The following ATP8A2 variants were observed in gnomAD, a reference collection of about 807,000 sequenced individuals.
ATP8A2 encodes phospholipid-transporting ATPase IB.
Under a neutral mutation model 165.6 loss-of-function variants are expected in ATP8A2, and 100 were observed. That is an observed-to-expected ratio of 0.60 (90% CI 0.51 to 0.71). The LOEUF (loss-of-function observed/expected upper bound fraction) is 0.71. Among genes scored for constraint, ATP8A2 ranks in the 30% least tolerant of loss-of-function variants. The pLI, the probability that ATP8A2 is intolerant of heterozygous loss-of-function variation, is 0.00. For synonymous variants in ATP8A2, 543 were observed against 548.8 expected (o/e 0.99, Z 0.15); for missense variants, 1,227 against 1,479.5 (o/e 0.83, Z 2.80).
chr13:25,522,728 T>G (rs2037710085), intron 2 of ATP8A2, among the ~76,000 whole-genome samples: 1 of 152,230 alleles, frequency 6.6e-6, no homozygotes, highest in South Asian at 2.1e-4. Context: ...TTTGTATATG[T>G]TGAACCATCC....
intron 28 of ATP8A2, among the ~76,000 whole-genome samples, chr13:25,836,188 TTGTTTG>T (rs1328202956): frequency 6.6e-6 from 1 of 152,060 alleles, no homozygotes; most frequent in Non-Finnish European, 1.5e-5. Context: ...GTTTGTTTGT[TTGTTTG>T]TTTGTTTGTT....
chr13:25,720,422 A>G (rs2043353742), intron 25 of ATP8A2, among the ~76,000 whole-genome samples: 1 of 152,068 alleles, frequency 6.6e-6, no homozygotes, highest in Admixed American at 6.5e-5. Context: ...TCGGCCTCCC[A>G]AAGTGCTGGG....
intron 24 of ATP8A2, among the ~76,000 whole-genome samples, chr13:25,621,831 C>T (rs1395853875): frequency 6.6e-6 from 1 of 152,102 alleles, no homozygotes; most frequent in African/African-American, 2.4e-5. Flanking sequence ...ACAGTTTTGT[C>T]CTGTGACTGA....
At chr13:25,666,231 G>T (rs2042151183) in intron 24 of ATP8A2, among the ~76,000 whole-genome samples, 1 of 151,390 alleles carries the variant, frequency 6.6e-6, no homozygotes, top group Non-Finnish European at 1.5e-5. Flanking sequence ...ATTTTTTTGA[G>T]ACCTAGTCTT....
intron 2 of ATP8A2, among the ~76,000 whole-genome samples, chr13:25,478,363 T>G (rs2036054324): frequency 6.6e-6 from 1 of 152,140 alleles, no homozygotes; most frequent in South Asian, 2.1e-4. Context: ...TACTTATAGC[T>G]GAGTCACTCA....
intron 26 of ATP8A2, among the ~76,000 whole-genome samples, chr13:25,771,960 G>A (rs757434903): frequency 3.9e-5 from 6 of 151,978 alleles, no homozygotes; most frequent in South Asian, 2.1e-4. Flanking sequence ...ATTACGCTTC[G>A]GAGGAAGTAC....
chr13:25,528,586 T>G (rs1566224232), intron 2 of ATP8A2, among the ~76,000 whole-genome samples: 1 of 152,206 alleles, frequency 6.6e-6, no homozygotes, highest in African/African-American at 2.4e-5. Context: ...TTCTGGTGTA[T>G]TCTGTCTCCT....
intron 24 of ATP8A2, among the ~76,000 whole-genome samples, chr13:25,695,479 C>T (rs9507547): frequency 0.37 from 55,537 of 151,992 alleles, 10,695 homozygotes; most frequent in East Asian, 0.7. Flanking sequence ...CATGTGATGC[C>T]GTTTGATAGC....
chr13:25,759,355 C>T (rs2044332414), intron 25 of ATP8A2, among the ~76,000 whole-genome samples: 1 of 152,186 alleles, frequency 6.6e-6, no homozygotes, highest in Admixed American at 6.5e-5. Context: ...CGTGCATGAG[C>T]TCACGATGCC....
At chr13:25,993,623 CT>C (rs1956437635) in intron 35 of ATP8A2, among the ~76,000 whole-genome samples, 1 of 152,122 alleles carries the variant, frequency 6.6e-6, no homozygotes. Flanking sequence ...CACTGAATTG[CT>C]TTTGCACCTT....
At chr13:25,803,125 TG>T (rs1355799952) in intron 27 of ATP8A2, among the ~76,000 whole-genome samples, 1 of 152,180 alleles carries the variant, frequency 6.6e-6, no homozygotes, top group Non-Finnish European at 1.5e-5. Context: ...TGACACTCTG[TG>T]GTATCTATGT....
chr13:25,928,117 C>G (rs966560781), intron 33 of ATP8A2, among the ~76,000 whole-genome samples: 7 of 152,180 alleles, frequency 4.6e-5, no homozygotes, highest in African/African-American at 1.7e-4. Context: ...CATCTTCTCC[C>G]CGTCAGTTGG....
chr13:25,789,443 A>G (rs911670064), intron 27 of ATP8A2, among the ~76,000 whole-genome samples: 1 of 152,214 alleles, frequency 6.6e-6, no homozygotes, highest in Non-Finnish European at 1.5e-5. Flanking sequence ...CCTATACACC[A>G]ACAACAGTCA....
At chr13:25,567,033 T>C (rs2039333703) in intron 16 of ATP8A2, 1 of 260,770 alleles carries the variant, frequency 3.8e-6, no homozygotes, top group South Asian at 4.2e-5. Context: ...TGGGATGCCA[T>C]AGAAACCCAG....
At chr13:25,850,182 A>G (rs1593446301) in intron 30 of ATP8A2, among the ~76,000 whole-genome samples, 1 of 152,182 alleles carries the variant, frequency 6.6e-6, no homozygotes, top group Non-Finnish European at 1.5e-5. Flanking sequence ...TGGGGAGGCG[A>G]AGCCTTCTTA....
intron 24 of ATP8A2, among the ~76,000 whole-genome samples, chr13:25,666,706 A>G (rs2042162140): frequency 6.6e-6 from 1 of 152,112 alleles, no homozygotes; most frequent in Non-Finnish European, 1.5e-5. Flanking sequence ...TTTTGACAAC[A>G]CCAAAAGGCA....
At chr13:25,480,300 C>T (rs539006603) in intron 2 of ATP8A2, among the ~76,000 whole-genome samples, 1,640 of 149,114 alleles carry the variant, frequency 0.011, 30 homozygotes, top group African/African-American at 0.039. Context: ...GGGGGGCTGA[C>T]CCCCACCTCC....
chr13:25,505,891 T>C (rs1370503965), intron 2 of ATP8A2, among the ~76,000 whole-genome samples: 3 of 152,232 alleles, frequency 2.0e-5, no homozygotes, highest in Non-Finnish European at 4.4e-5. Flanking sequence ...TCTAGAATTA[T>C]AAATTAACTG....
At chr13:25,474,347 G>A (rs2035932709) in intron 2 of ATP8A2, among the ~76,000 whole-genome samples, 1 of 152,178 alleles carries the variant, frequency 6.6e-6, no homozygotes, top group Non-Finnish European at 1.5e-5. Flanking sequence ...AGATCACGAG[G>A]TCAGGAGATT....
Sources: gnomAD v4.1 joint callset for allele counts (sites outside exome capture counted in the v4.1 genomes callset) on GRCh38, gnomAD v4.1.1 for gene constraint, MANE v1.5 for transcripts, NCBI Gene and HGNC (gene_info 2026-07-23, HGNC 2026-07-21) for gene names.